Variants in RPL12 observed in about 807,000 individuals in gnomAD.
The protein encoded by RPL12 is large ribosomal subunit protein uL11.
In RPL12, 10 loss-of-function variants were observed where a neutral mutation model predicts 24.5. That is an observed-to-expected ratio of 0.41 (90% CI 0.25 to 0.69). The LOEUF is 0.69. Among genes scored for constraint, RPL12 ranks in the 30% least tolerant of loss-of-function variants. The pLI is 0.33. For synonymous variants in RPL12, 74 were observed against 76.1 expected, an observed-to-expected ratio of 0.97 and a Z score of 0.14; for missense variants, 137 against 205.3, an observed-to-expected ratio of 0.67 and a Z score of 2.03.
intron 5 of RPL12, 45 bp from the exon 6 acceptor site, chr9:127,448,034 C>T: frequency 6.4e-7 from 1 of 1,562,698 alleles, no homozygotes; most frequent in Non-Finnish European, 8.6e-7. Flanking sequence ...GGCTCAGTCC[C>T]TCACAATCTG....
chr9:127,447,984 T>G lies in RPL12; in HGVS notation c.385A>C (p.Ile129Leu), dbSNP rs1480551032. Residue 129 changes from isoleucine (I) to leucine (L), a missense_variant, in exon 6 of 7, where the codon ATT becomes CTT. Around this residue, in one of 3 missense-constraint regions of RPL12, gnomAD observed 118 missense variants for 160.7 expected, o/e 0.73. Transcript: ENST00000361436. ...TGGGCAGTCCCCAGGATCTCTTTAA[T>G]GGTTCCTTTAAGTAAAGAAATGGTG... Reference protein sequence around the residue: ...RSLARELSGTIKEILGTAQSV... With the variant: ...RSLARELSGTLKEILGTAQSV... The G allele has an allele frequency of 6.2e-7, 1 of 1,605,760 alleles. No individual in the cohort carries two copies. The highest frequency in any genetic ancestry group is 8.5e-7 in the Non-Finnish European group (1 of 1,177,190).
rs371601790 is a variant in RPL12, at chr9:127,447,700, T to C, written c.*21A>G. On this transcript the variant is annotated 3_prime_UTR_variant, in exon 7 of 7. Coordinates refer to ENST00000361436, the MANE Select transcript of RPL12 (RefSeq NM_000976.4). Reference sequence around the variant, plus strand: ...CCACCAGTTGTCAAATGATCCTTTATTGAAATGTTTTCCTTTGTGCTTAAC... The same window carrying C: ...CCACCAGTTGTCAAATGATCCTTTACTGAAATGTTTTCCTTTGTGCTTAAC... 4.7e-5 allele frequency: 76 copies of C among 1,613,430 alleles called. No homozygotes were observed. In the African/African-American group the frequency reaches 8.8e-4, roughly 19 times the overall value.
chr9:127,449,483 A>G lies in RPL12; in HGVS notation c.211-121T>C, dbSNP rs530474623. On this transcript the variant is annotated intron_variant, in intron 3 of 6. Transcript: ENST00000361436. ...TTGCCCTAGGTCCGTACTCTTGACA[A>G]AGCCTCCCCAACAAGGTGAAATCAC... 4.3e-5 allele frequency: 56 copies of G among 1,290,648 alleles called. 1 individual carries two copies. The South Asian group carries it at 6.6e-4, about 15-fold the overall frequency. 79.9% of individuals were successfully genotyped at this position (1,290,648 alleles called of 1,614,324 possible). A position where few individuals can be genotyped will look rare whatever the true frequency, so the allele number is the denominator to read the frequency against.
chr9:127,450,119 G>T (rs375181027), intron 2 of RPL12: 10 of 192,076 alleles, frequency 5.2e-5, no homozygotes, highest in African/African-American at 2.3e-4. Flanking sequence ...GAGGCTAAGT[G>T]TCCCTTAAGT....
intron 2 of RPL12, chr9:127,450,408 C>T (rs1256308808): frequency 1.8e-5 from 5 of 279,030 alleles, no homozygotes; most frequent in Non-Finnish European, 3.4e-5. Flanking sequence ...AACGCCATGC[C>T]CACTTCCTGA....
At position 127,451,300 on chromosome 9, in the gene RPL12, G is replaced by A. The variant is rs201714333; in HGVS notation, c.18C>T (p.Asp6=). 3.7e-5 allele frequency: 59 copies of A among 1,613,146 alleles called. No homozygotes were observed. The East Asian group carries it at 9.8e-4, about 27-fold the overall frequency. The change falls in exon 1 of 7, where the codon GAC becomes GAT. Residue 6 remains aspartate (D), a synonymous_variant. Transcript: ENST00000361436. ...ACGCACCGACTTTGATCTCGTTGGG[G>A]TCGAACTTCGGCGGCATGGTGGAGG... The part of the protein sequence containing the change: MPPKF[D]PNEIKVVYLR...
intron 4 of RPL12, 169 bp from the exon 5 acceptor site, chr9:127,448,592 G>C: frequency 1.3e-6 from 1 of 761,176 alleles, no homozygotes. Context: ...CCACTGGATT[G>C]CACCAGCCAA....
chr9:127,450,647 C>T, intron 2 of RPL12, 84 bp downstream of exon 2: 1 of 1,043,518 alleles, frequency 9.6e-7, no homozygotes. Flanking sequence ...CACGAGGGCA[C>T]CTCTGGCACA....
At chr9:127,449,188 A>C in intron 4 of RPL12, 93 bp downstream of exon 4, 1 of 1,035,184 alleles carries the variant, frequency 9.7e-7, no homozygotes, top group Non-Finnish European at 1.5e-6. Context: ...TACCCATGTC[A>C]ACCCCAGGTT....
intron 2 of RPL12, chr9:127,450,123 CTTAAGTGCCAG>C (rs1467550339): frequency 5.2e-6 from 1 of 192,600 alleles, no homozygotes; most frequent in Non-Finnish European, 1.1e-5. Flanking sequence ...CTAAGTGTCC[CTTAAGTGCCAG>C]CTAACGGCCA....
chr9:127,449,163 CA>C, intron 4 of RPL12, 117 bp downstream of exon 4: 2 of 771,124 alleles, frequency 2.6e-6, no homozygotes, highest in South Asian at 3.3e-5. Flanking sequence ...CAGCCCTAAC[CA>C]TATCAACACC....
rs565081184 is a variant in RPL12, at chr9:127,451,372, G to T, written c.-55C>A. 30 of 1,608,100 alleles carry T rather than the reference G, an allele frequency of 1.9e-5. No individual in the cohort carries two copies. The highest frequency in any genetic ancestry group is 2.4e-5 in the Non-Finnish European group (28 of 1,178,154). On this transcript the variant is annotated 5_prime_UTR_variant, in exon 1 of 7. Transcript: ENST00000361436. ...GGATTCGGGACGACCGAAGGAAGTT[G>T]CACCTTGGCCTCCTCCGAGCCGAAA...
intron 5 of RPL12, among the ~76,000 whole-genome samples, 162 bp from the exon 6 acceptor site, chr9:127,448,151 A>G (rs898033505): frequency 1.3e-5 from 2 of 152,214 alleles, no homozygotes; most frequent in African/African-American, 4.8e-5. Flanking sequence ...ATAACCCGGA[A>G]TGCAAAGCTT....
At chr9:127,451,205 C>A in intron 1 of RPL12, 76 bp downstream of exon 1, 1 of 1,570,776 alleles carries the variant, frequency 6.4e-7, no homozygotes, top group Non-Finnish European at 8.7e-7. Flanking sequence ...GAGCCCCATA[C>A]GGGGAAAGCT....
At chr9:127,449,792 C>CA in intron 2 of RPL12, 84 bp from the exon 3 acceptor site, 1 of 1,070,454 alleles carries the variant, frequency 9.3e-7, no homozygotes, top group Non-Finnish European at 1.4e-6. Flanking sequence ...CACTTGGCAA[C>CA]AAAGGAAGCT....
At position 127,451,232 on chromosome 9, in the gene RPL12, G is replaced by A. The variant is rs751768471; in HGVS notation, c.37+49C>T. The A allele has an allele frequency of 5.6e-6, 9 of 1,604,452 alleles. No individual in the cohort carries two copies. In the East Asian group the frequency reaches 6.7e-5, roughly 12 times the overall value. On this transcript the variant is annotated intron_variant, in intron 1 of 6. Transcript: ENST00000361436. The stretch of plus-strand genomic sequence containing the variant: ...GGGAAAGCTTTGCACGCGCGGCAGG[G>A]CCGAGGGATGCTCCATCCCGCAGCC...
intron 4 of RPL12, chr9:127,448,642 A>G (rs764737056): frequency 2.7e-6 from 2 of 744,198 alleles, no homozygotes; most frequent in East Asian, 5.1e-5. Flanking sequence ...GGCTGAGGGC[A>G]AAACCAAGCC....
chr9:127,449,171 C>T (rs1834225527), intron 4 of RPL12, 110 bp downstream of exon 4: 2 of 830,998 alleles, frequency 2.4e-6, no homozygotes, highest in East Asian at 2.7e-5. Context: ...ACCATATCAA[C>T]ACCCAATACC....
chr9:127,448,710 G>A (rs1266716536), intron 4 of RPL12: 4 of 614,882 alleles, frequency 6.5e-6, no homozygotes, highest in African/African-American at 1.8e-5. Context: ...TAAATTGCCA[G>A]GGAGTTAAAC....
Sources: allele counts gnomAD v4.1 joint callset (sites outside exome capture counted in the v4.1 genomes callset), GRCh38; gene constraint gnomAD v4.1.1; regional missense constraint gnomAD v4.1.1; transcripts MANE v1.5; gene names NCBI Gene and HGNC (gene_info 2026-07-23, HGNC 2026-07-21).